ESRRG: variants seen among roughly 807,000 people sequenced by gnomAD.
ESRRG encodes estrogen related receptor gamma.
A neutral mutation model predicts 44.0 loss-of-function variants in ESRRG; 13 were observed. The observed-to-expected ratio is 0.30, with a 90% CI of 0.19 to 0.47. ESRRG has a LOEUF of 0.47. Among genes scored for constraint, ESRRG ranks in the 20% least tolerant of loss-of-function variants. ESRRG has a pLI of 1.00. For missense variants in ESRRG, 395 were observed against 580.6 expected (o/e 0.68, Z 3.29); for synonymous variants, 215 against 214.6 (o/e 1.00, Z -0.02).
intron 1 of ESRRG, among the ~76,000 whole-genome samples, chr1:216,964,435 A>T (rs2069794920): frequency 6.6e-6 from 1 of 152,056 alleles, no homozygotes; most frequent in Non-Finnish European, 1.5e-5. Flanking sequence ...GATCATCTCC[A>T]CTTCCCTATC....
intron 3 of ESRRG, among the ~76,000 whole-genome samples, chr1:216,635,306 C>T (rs1377537797): frequency 6.6e-6 from 1 of 152,186 alleles, no homozygotes; most frequent in Non-Finnish European, 1.5e-5. Context: ...AGAACTTGAG[C>T]AGGCAAGTAA....
chr1:216,701,029 G>A (rs992120623), intron 1 of ESRRG, among the ~76,000 whole-genome samples: 2 of 152,084 alleles, frequency 1.3e-5, no homozygotes, highest in Non-Finnish European at 2.9e-5. Context: ...AGAATTTGTC[G>A]GTTGAGGTAA....
At chr1:216,532,221 G>A (rs1226069892) in intron 5 of ESRRG, among the ~76,000 whole-genome samples, 1 of 152,074 alleles carries the variant, frequency 6.6e-6, no homozygotes, top group Non-Finnish European at 1.5e-5. Context: ...CCATAGTGGA[G>A]ATTAATTCTA....
At chr1:217,043,396 T>C (rs1281792438) in intron 1 of ESRRG, among the ~76,000 whole-genome samples, 3 of 152,142 alleles carry the variant, frequency 2.0e-5, no homozygotes, top group Non-Finnish European at 4.4e-5. Context: ...ACCTGAAAAG[T>C]TTGTGTCATT....
At chr1:217,062,124 A>G (rs933669633) in intron 1 of ESRRG, among the ~76,000 whole-genome samples, 1 of 152,178 alleles carries the variant, frequency 6.6e-6, no homozygotes, top group Admixed American at 6.5e-5. Flanking sequence ...CTCAAGCCCA[A>G]GTTAAGTGCC....
intron 1 of ESRRG, among the ~76,000 whole-genome samples, chr1:216,715,983 T>C (rs924347709): frequency 6.6e-5 from 10 of 152,048 alleles, no homozygotes; most frequent in African/African-American, 2.2e-4. Context: ...GTTCTTAATT[T>C]ATATTTTAAT....
intron 2 of ESRRG, among the ~76,000 whole-genome samples, chr1:216,884,519 T>C (rs1182977661): frequency 4.6e-5 from 7 of 152,208 alleles, no homozygotes; most frequent in Non-Finnish European, 1.0e-4. Flanking sequence ...GTTCAAGGTT[T>C]AGAATAATCA....
intron 2 of ESRRG, among the ~76,000 whole-genome samples, chr1:216,809,490 C>T (rs953666428): frequency 3.3e-5 from 5 of 152,120 alleles, no homozygotes; most frequent in African/African-American, 1.2e-4. Flanking sequence ...TTAAGGAATG[C>T]TGAGTGATAG....
At chr1:216,952,976 A>T (rs2067233262) in intron 1 of ESRRG, among the ~76,000 whole-genome samples, 2 of 152,166 alleles carry the variant, frequency 1.3e-5, no homozygotes, top group African/African-American at 4.8e-5. Flanking sequence ...CCACTTCAGC[A>T]TGTCTACAAT....
intron 2 of ESRRG, among the ~76,000 whole-genome samples, chr1:216,746,841 C>T (rs2091457487): frequency 1.3e-5 from 2 of 152,158 alleles, no homozygotes; most frequent in South Asian, 2.1e-4. Flanking sequence ...TGTAAACCCA[C>T]GTGCACACAC....
chr1:216,830,918 C>T (rs1559797059), intron 2 of ESRRG, among the ~76,000 whole-genome samples: 2 of 151,964 alleles, frequency 1.3e-5, no homozygotes, highest in African/African-American at 2.4e-5. Flanking sequence ...ACTGAAATGT[C>T]ATAATACCCC....
At chr1:216,518,090 A>G (rs1572110976) in intron 6 of ESRRG, among the ~76,000 whole-genome samples, 2 of 152,274 alleles carry the variant, frequency 1.3e-5, no homozygotes, top group Non-Finnish European at 2.9e-5. Flanking sequence ...TCATCTCACT[A>G]GGACCGCGCC....
At chr1:216,771,776 G>C (rs1344011430) in intron 2 of ESRRG, among the ~76,000 whole-genome samples, 1 of 149,000 alleles carries the variant, frequency 6.7e-6, no homozygotes, top group East Asian at 2.0e-4. Flanking sequence ...AATACAGGTG[G>C]TAAATTTAAT....
intron 2 of ESRRG, chr1:216,863,153 G>A (rs1465866149): frequency 6.6e-6 from 1 of 152,124 alleles, no homozygotes. Context: ...CAGAGTTTCT[G>A]ATTCAGTAGG....
At chr1:216,733,987 T>TA (rs397796087) in intron 2 of ESRRG, among the ~76,000 whole-genome samples, 19,779 of 107,016 alleles carry the variant, frequency 0.18, 1,942 homozygotes, top group South Asian at 0.3. Context: ...CAAGACTCTG[T>TA]AAAAAAAAAA....
At chr1:217,015,897 T>C (rs1264212174) in intron 1 of ESRRG, among the ~76,000 whole-genome samples, 1 of 152,018 alleles carries the variant, frequency 6.6e-6, no homozygotes. Flanking sequence ...GCCCGGCTAT[T>C]TTTTTGTATT....
chr1:216,523,846 CA>C (rs145462321), intron 5 of ESRRG, among the ~76,000 whole-genome samples: 635 of 127,288 alleles, frequency 5.0e-3, no homozygotes, highest in African/African-American at 8.5e-3. Context: ...TTCTGTTCCA[CA>C]AAAAAAAAAA....
chr1:216,692,058 G>A (rs758765912), intron 1 of ESRRG, among the ~76,000 whole-genome samples: 56 of 152,076 alleles, frequency 3.7e-4, no homozygotes, highest in Non-Finnish European at 6.9e-4. Flanking sequence ...ACTGGTTTAT[G>A]TATTTACTAT....
intron 2 of ESRRG, among the ~76,000 whole-genome samples, chr1:216,789,752 C>G (rs991908532): frequency 3.1e-4 from 47 of 152,244 alleles, no homozygotes; most frequent in African/African-American, 9.4e-4. Context: ...GTATTCTTCA[C>G]AATCTCACAT....
Sources: gnomAD v4.1 joint callset for allele counts (sites outside exome capture counted in the v4.1 genomes callset) on GRCh38, gnomAD v4.1.1 for gene constraint, MANE v1.5 for transcripts, NCBI Gene and HGNC (gene_info 2026-07-23, HGNC 2026-07-21) for gene names.